The following XXYLT1 variants were observed in gnomAD, a reference collection of about 807,000 sequenced individuals.
XXYLT1 encodes UDP-xylose:alpha-xyloside alpha-1,3-xylosyltransferase.
XXYLT1 carries 20 observed loss-of-function variants against 28.9 expected under a neutral mutation model. That is an observed-to-expected ratio of 0.69 (90% CI 0.49 to 1.00). The LOEUF (loss-of-function observed/expected upper bound fraction) is 1.00. Ranked by LOEUF, XXYLT1 falls within the 50% of genes least tolerant of loss-of-function variation. The pLI is 0.00. For missense variants in XXYLT1, 542 were observed against 560.1 expected, an observed-to-expected ratio of 0.97 and a Z score of 0.33; for synonymous variants, 257 against 253.8, an observed-to-expected ratio of 1.01 and a Z score of -0.12.
At position 195,173,065 on chromosome 3, in the gene XXYLT1, C is replaced by T. The variant is rs576727148; in HGVS notation, c.653-16484G>A. Among the ~76,000 whole-genome samples the T allele has an allele frequency of 5.3e-5, 8 of 152,306 alleles. No individual in the cohort carries two copies. The highest frequency in any genetic ancestry group is 1.9e-4 in the African/African-American group (8 of 41,570). The stretch of plus-strand genomic sequence containing the variant: ...CTGATCGACACCCCTACTTTCAAGA[C>T]TTGGCACCTCTCCATGCCTCTACCC... On this transcript the variant is annotated intron_variant, in intron 2 of 3. Transcript: ENST00000310380. This position sits in a 1 kb window ranked among gnomAD's most constrained non-coding sequence, Gnocchi z 4.3.
intron 3 of XXYLT1, among the ~76,000 whole-genome samples, chr3:195,097,426 G>T (rs373822430): frequency 2.0e-5 from 3 of 152,184 alleles, no homozygotes; most frequent in African/African-American, 7.2e-5. Context: ...CAGCAAATGC[G>T]TATCAACACG....
At chr3:195,258,463 A>T (rs185055310) in intron 1 of XXYLT1, among the ~76,000 whole-genome samples, 1 of 152,338 alleles carries the variant, frequency 6.6e-6, no homozygotes, top group Admixed American at 6.5e-5. Flanking sequence ...TTTGACCAGA[A>T]ATTGTATAAT....
chr3:195,185,085 A>AGAAAGGAAGGAAGGAAG (rs1434255998), intron 2 of XXYLT1, among the ~76,000 whole-genome samples: 17 of 100,994 alleles, frequency 1.7e-4, no homozygotes, highest in African/African-American at 5.2e-4. Context: ...GAAAGAAGGA[A>AGAAAGGAAGGAAGGAAG]GAAGGAAGGA....
chr3:195,205,065 G>C (rs1230515850), intron 2 of XXYLT1, among the ~76,000 whole-genome samples: 1 of 152,210 alleles, frequency 6.6e-6, no homozygotes, highest in Non-Finnish European at 1.5e-5. Context: ...TTGGGATTTT[G>C]CCAAACTCTG....
chr3:195,254,457 C>T (rs1725399075), intron 1 of XXYLT1, among the ~76,000 whole-genome samples: 1 of 152,264 alleles, frequency 6.6e-6, no homozygotes, highest in Admixed American at 6.5e-5. Flanking sequence ...CAGGCTCAGT[C>T]ACCCTCTCAC....
intron 2 of XXYLT1, among the ~76,000 whole-genome samples, chr3:195,223,166 G>C (rs1723904279): frequency 6.6e-6 from 1 of 152,128 alleles, no homozygotes; most frequent in South Asian, 2.1e-4. Flanking sequence ...CCGGGAAGCA[G>C]AGGTTGCAGT....
chr3:195,104,183 C>G (rs1422826160), intron 3 of XXYLT1, among the ~76,000 whole-genome samples: 1 of 145,362 alleles, frequency 6.9e-6, no homozygotes, highest in African/African-American at 2.6e-5. Flanking sequence ...ACGGTGATGA[C>G]GGTGATGAGG....
Position 195,222,026 on chromosome 3 carries a change from C to T in XXYLT1, c.652+4683G>A, listed in dbSNP as rs148062702. Among the ~76,000 whole-genome samples, 791 of 152,266 alleles carry T rather than the reference C, an allele frequency of 5.2e-3. 5 individuals are homozygous for T. Among genetic ancestry groups the T allele is most frequent in the Non-Finnish European group, 6.6e-3 (452 of 68,006 alleles). ...GCCCTTGCTCAGATGTGGTTCTGGG[C>T]GCTCCTGCTCCAAGGGGGCGATCAG... On this transcript the variant is annotated intron_variant, in intron 2 of 3. Transcript: ENST00000310380.
rs913804918 is a variant in XXYLT1, at chr3:195,256,356, A to G, written c.504+14199T>C. On this transcript the variant is annotated intron_variant, in intron 1 of 3. Transcript: ENST00000310380. The surrounding 1 kb of genome is among the most constrained non-coding windows in gnomAD (Gnocchi z 4.2). ...TGGCAACTGTGGCTCATTGACGGTGACGATAAACCTGAGACAGCTCTGGTC... is the reference window on the plus strand; with the variant it reads ...TGGCAACTGTGGCTCATTGACGGTGGCGATAAACCTGAGACAGCTCTGGTC... 11 of 447,660 alleles carry G rather than the reference A, an allele frequency of 2.5e-5. No individual in the cohort carries two copies. Among genetic ancestry groups the G allele is most frequent in the Admixed American group, 1.3e-4 (2 of 15,638 alleles). The allele number at this position is 447,660 out of a possible 1,614,324, so 27.7% of individuals were successfully genotyped here.
intron 2 of XXYLT1, among the ~76,000 whole-genome samples, chr3:195,186,882 C>T (rs1722218958): frequency 6.6e-6 from 1 of 151,322 alleles, no homozygotes. Flanking sequence ...CTCTAACCCA[C>T]AACACTGGCT....
chr3:195,183,799 C>A (rs1159721021), intron 2 of XXYLT1, among the ~76,000 whole-genome samples: 1 of 152,130 alleles, frequency 6.6e-6, no homozygotes, highest in Non-Finnish European at 1.5e-5. Context: ...CAATTTGGGA[C>A]CAACTAGGAC....
rs1327637705 is a variant in XXYLT1 at position 195,257,934 on chromosome 3, C to T, written c.504+12621G>A. ...CCTCTCCATCCTCACAAAGCAGCCC[C>T]GGCACACCCACAATCCTCGACCCTG... is the stretch of plus-strand genomic sequence containing the variant. On this transcript the variant is annotated intron_variant, in intron 1 of 3. Coordinates refer to ENST00000310380, the MANE Select transcript of XXYLT1 (RefSeq NM_152531.5). This position sits in a 1 kb window ranked among gnomAD's most constrained non-coding sequence, Gnocchi z 4.3. 6.6e-6 allele frequency among the ~76,000 whole-genome samples: 1 copy of T among 152,140 alleles called. No homozygotes were observed. The highest frequency in any genetic ancestry group is 1.5e-5 in the Non-Finnish European group (1 of 68,024).
intron 2 of XXYLT1, among the ~76,000 whole-genome samples, chr3:195,199,584 C>A (rs1262321064): frequency 1.3e-5 from 2 of 151,682 alleles, no homozygotes; most frequent in Non-Finnish European, 2.9e-5. Context: ...GCACTCCAGC[C>A]TGGGTGACAA....
At chr3:195,262,972 C>T (rs2032127447) in intron 1 of XXYLT1, among the ~76,000 whole-genome samples, 1 of 151,956 alleles carries the variant, frequency 6.6e-6, no homozygotes, top group Admixed American at 6.6e-5. Flanking sequence ...TCTTTGATCA[C>T]CTCTTTTCCA....
rs182951239 is a variant in XXYLT1 at position 195,192,626 on chromosome 3, G to T, written c.652+34083C>A. 2.6e-5 allele frequency among the ~76,000 whole-genome samples: 4 copies of T among 152,280 alleles called. No homozygotes were observed. The East Asian group carries it at 7.7e-4, about 29-fold the overall frequency. ...GGAATGCATGGCTGGTATAACATCTGAAATTAATGTAATACCCACAGACAA... is the reference window on the plus strand; with the variant it reads ...GGAATGCATGGCTGGTATAACATCTTAAATTAATGTAATACCCACAGACAA... On this transcript the variant is annotated intron_variant, in intron 2 of 3. Transcript: ENST00000310380.
intron 2 of XXYLT1, among the ~76,000 whole-genome samples, chr3:195,198,067 G>T (rs1395836938): frequency 4.6e-5 from 7 of 152,226 alleles, no homozygotes; most frequent in Admixed American, 4.6e-4. Flanking sequence ...ATTCACAACA[G>T]AAGATAATCC....
Position 195,104,608 on chromosome 3 carries a change from A to G in XXYLT1, c.786-34497T>C, listed in dbSNP as rs546358879. 7.4e-4 allele frequency among the ~76,000 whole-genome samples: 113 copies of G among 152,312 alleles called. 1 individual carries two copies. The highest frequency in any genetic ancestry group is 2.8e-3 in the Admixed American group (43 of 15,300). On this transcript the variant is annotated intron_variant, in intron 3 of 3. Coordinates refer to ENST00000310380, the MANE Select transcript of XXYLT1 (RefSeq NM_152531.5). ...AGGCGGGGACCCGGGAGATCCAGAC[A>G]GCGTGGCACGACCACCTGAGAGAGG...
chr3:195,072,971 C>T (rs981434912), intron 3 of XXYLT1, among the ~76,000 whole-genome samples: 23 of 152,206 alleles, frequency 1.5e-4, no homozygotes, highest in East Asian at 1.2e-3. Flanking sequence ...CAGGCAGTAC[C>T]GCCAATCCCC....
intron 3 of XXYLT1, among the ~76,000 whole-genome samples, chr3:195,113,677 C>T (rs1050000382): frequency 3.3e-5 from 5 of 152,152 alleles, no homozygotes; most frequent in Admixed American, 3.3e-4. Context: ...TCCACAAACA[C>T]CTACTCGGAG....
Sources: gnomAD v4.1 joint callset for allele counts (sites outside exome capture counted in the v4.1 genomes callset) on GRCh38, gnomAD v4.1.1 for gene constraint, Gnocchi (gnomAD v3.1) non-coding constraint, MANE v1.5 for transcripts, NCBI Gene and HGNC (gene_info 2026-07-23, HGNC 2026-07-21) for gene names.